The following SRC variants were observed in gnomAD, a reference collection of about 807,000 sequenced individuals.
The protein encoded by SRC is SRC proto-oncogene, non-receptor tyrosine kinase, also known as proto-oncogene tyrosine-protein kinase Src.
SRC carries 13 observed loss-of-function variants against 62.9 expected under a neutral mutation model. That is an observed-to-expected ratio of 0.21 (90% CI 0.13 to 0.33). The LOEUF (loss-of-function observed/expected upper bound fraction) is 0.33, where lower values mean the gene tolerates loss of function less well. Ranked by LOEUF, SRC falls within the 10% of genes least tolerant of loss-of-function variation. The probability of loss-of-function intolerance (pLI) is 1.00; values close to 1 mark genes in which losing one functional copy is unlikely to be tolerated. For missense variants in SRC, 457 were observed against 737.3 expected (o/e 0.62, Z 4.40); for synonymous variants, 302 against 317.5 (o/e 0.95, Z 0.52).
At chr20:37,380,913 T>A (rs1311100326) in intron 2 of SRC, among the ~76,000 whole-genome samples, 1 of 152,116 alleles carries the variant, frequency 6.6e-6, no homozygotes, top group Non-Finnish European at 1.5e-5. Context: ...CTCTGAATGA[T>A]AAAAGTTACC....
At chr20:37,364,148 G>A (rs1482040816) in intron 1 of SRC, among the ~76,000 whole-genome samples, 2 of 152,182 alleles carry the variant, frequency 1.3e-5, no homozygotes, top group African/African-American at 4.8e-5. Context: ...CCTTCTGAGA[G>A]GATGCGATCA....
intron 2 of SRC, among the ~76,000 whole-genome samples, chr20:37,378,458 A>G (rs1248517552): frequency 1.3e-5 from 2 of 152,082 alleles, no homozygotes; most frequent in Non-Finnish European, 2.9e-5. Context: ...TCACAACCCT[A>G]TTATGTGGGT....
Position 37,402,889 on chromosome 20 carries a change from G to T in SRC, c.1402+9G>T. 6.2e-7 allele frequency: 1 copy of T among 1,612,022 alleles called. No individual in the cohort carries two copies. Among genetic ancestry groups the T allele is most frequent in the Non-Finnish European group, 8.5e-7 (1 of 1,178,982 alleles). On this transcript the variant is annotated intron_variant, in intron 13 of 13. Coordinates refer to ENST00000373578, the MANE Select transcript of SRC (RefSeq NM_198291.3). This position sits in a 1 kb window ranked among gnomAD's most constrained non-coding sequence, Gnocchi z 6.2. ...ACGGGTGCCCTACCCTGGTAAGAAGGTCCTCATGGCCTGTCTGTGGTCCCT... is the reference window on the plus strand; with the variant it reads ...ACGGGTGCCCTACCCTGGTAAGAAGTTCCTCATGGCCTGTCTGTGGTCCCT...
intron 2 of SRC, among the ~76,000 whole-genome samples, chr20:37,381,388 C>A (rs2070363675): frequency 6.6e-6 from 1 of 152,184 alleles, no homozygotes; most frequent in Admixed American, 6.5e-5. Flanking sequence ...TGTCTCCCTT[C>A]ATGGCACATC....
chr20:37,369,963 C>A (rs2070135653), intron 2 of SRC, among the ~76,000 whole-genome samples: 2 of 152,242 alleles, frequency 1.3e-5, no homozygotes, highest in Middle Eastern at 6.8e-3. Flanking sequence ...CCACACCCAG[C>A]TAATTTTTGT....
At position 37,403,401 on chromosome 20, in the gene SRC, C is replaced by T; in HGVS notation, c.*22C>T. On this transcript the variant is annotated 3_prime_UTR_variant, in exon 14 of 14. Transcript: ENST00000373578. The surrounding 1 kb of genome is among the most constrained non-coding windows in gnomAD (Gnocchi z 7.1). ...CTAGGCACAGGCGGGCCCAGACCGG[C>T]TTCTCGGCTTGGATCCTGGGCTGGG... 6.5e-7 allele frequency: 1 copy of T among 1,549,668 alleles called. No individual in the cohort carries two copies. The highest frequency in any genetic ancestry group is 8.7e-7 in the Non-Finnish European group (1 of 1,147,482).
intron 5 of SRC, 54 bp downstream of exon 5, chr20:37,386,228 C>A: frequency 6.6e-7 from 1 of 1,513,008 alleles, no homozygotes; most frequent in Non-Finnish European, 9.2e-7. Flanking sequence ...GACTTCAAAG[C>A]GGGCAGGGGC....
chr20:37,358,404 A>G (rs894832640), intron 1 of SRC, among the ~76,000 whole-genome samples: 5 of 152,116 alleles, frequency 3.3e-5, no homozygotes, highest in Non-Finnish European at 7.4e-5. Context: ...ATCCATACCC[A>G]ACACCACTTT....
chr20:37,377,643 G>T (rs1403981407), intron 2 of SRC, among the ~76,000 whole-genome samples: 1 of 152,228 alleles, frequency 6.6e-6, no homozygotes, highest in Non-Finnish European at 1.5e-5. Context: ...CCAGCTGCAG[G>T]GCCATGTGGA....
chr20:37,376,241 G>A (rs559038334), intron 2 of SRC, among the ~76,000 whole-genome samples: 1 of 152,336 alleles, frequency 6.6e-6, no homozygotes, highest in African/African-American at 2.4e-5. Context: ...CATTTTGGAG[G>A]CTTTTGCCTA....
intron 1 of SRC, among the ~76,000 whole-genome samples, chr20:37,352,912 G>A (rs557352665): frequency 3.0e-4 from 45 of 152,302 alleles, no homozygotes; most frequent in African/African-American, 8.4e-4. Context: ...GAAGGCCTTT[G>A]TGAACACCCT....
At position 37,405,424 on chromosome 20, in the gene SRC, TCAA is replaced by T. The variant is rs752612222; in HGVS notation, c.*2048_*2050del. 3 of 200,838 alleles carry T rather than the reference TCAA, an allele frequency of 1.5e-5. No homozygotes were observed. The highest frequency in any genetic ancestry group is 3.1e-5 in the Non-Finnish European group (3 of 97,556). 12.4% of individuals were successfully genotyped at this position (200,838 alleles called of 1,614,324 possible). On this transcript the variant is annotated 3_prime_UTR_variant, in exon 14 of 14. Transcript: ENST00000373578. The stretch of plus-strand genomic sequence containing the variant: ...AACACAAACAGACCTCAGAATCTGA[TCAA>T]CAGTTTATTGAACATCTACTGTGTG...
intron 2 of SRC, among the ~76,000 whole-genome samples, 186 bp downstream of exon 2, chr20:37,365,463 C>T (rs1421971307): frequency 6.6e-6 from 1 of 151,478 alleles, no homozygotes; most frequent in Non-Finnish European, 1.5e-5. Flanking sequence ...CAGGGAGATC[C>T]AAGCATATAT....
intron 2 of SRC, 135 bp downstream of exon 2, chr20:37,365,412 G>A (rs753467577): frequency 2.6e-5 from 4 of 151,374 alleles, no homozygotes; most frequent in Non-Finnish European, 4.4e-5. Flanking sequence ...AGGTCTCCTT[G>A]CCAGAGGCAA....
At chr20:37,401,513 C>A in intron 10 of SRC, 89 bp from the exon 11 acceptor site, 2 of 1,016,200 alleles carry the variant, frequency 2.0e-6, no homozygotes, top group Non-Finnish European at 3.0e-6. Context: ...TAAAGCAAGG[C>A]CAGCCACCTG....
chr20:37,352,738 C>G (rs2069824450), intron 1 of SRC, among the ~76,000 whole-genome samples: 1 of 152,168 alleles, frequency 6.6e-6, no homozygotes, highest in African/African-American at 2.4e-5. Flanking sequence ...AGCAAGGGCC[C>G]CTAGAGGTGC....
chr20:37,402,867 G>C lies in SRC; in HGVS notation c.1389G>C (p.Arg463=). The change falls in exon 13 of 14, where the codon CGG becomes CGC. Residue 463 remains arginine (R), a synonymous_variant. Transcript: ENST00000373578. This position sits in a 1 kb window ranked among gnomAD's most constrained non-coding sequence, Gnocchi z 6.2. ...ILLTELTTKG[R]VPYPGMVNRE... ...TGACTGAGCTCACCACAAAGGGACG[G>C]GTGCCCTACCCTGGTAAGAAGGTCC... is the stretch of plus-strand genomic sequence containing the variant. 6.2e-7 allele frequency: 1 copy of C among 1,613,902 alleles called. No individual in the cohort carries two copies. Among genetic ancestry groups the C allele is most frequent in the South Asian group, 1.1e-5 (1 of 91,056 alleles).
chr20:37,347,919 T>C (rs148480243), intron 1 of SRC, among the ~76,000 whole-genome samples: 65 of 152,352 alleles, frequency 4.3e-4, no homozygotes, highest in African/African-American at 1.3e-3. Context: ...AAGACAGGAC[T>C]GCACACACAG....
intron 1 of SRC, among the ~76,000 whole-genome samples, chr20:37,355,395 C>T (rs1175444599): frequency 6.6e-6 from 1 of 152,166 alleles, no homozygotes; most frequent in Non-Finnish European, 1.5e-5. Flanking sequence ...GAGCTCCCCC[C>T]TCCGCCCACT....
Sources: allele counts gnomAD v4.1 joint callset (sites outside exome capture counted in the v4.1 genomes callset), GRCh38; gene constraint gnomAD v4.1.1; non-coding constraint Gnocchi (gnomAD v3.1); transcripts MANE v1.5; gene names NCBI Gene and HGNC (gene_info 2026-07-23, HGNC 2026-07-21).